PDE1A: variants seen among roughly 807,000 people sequenced by gnomAD.
PDE1A encodes the protein dual specificity calcium/calmodulin-dependent 3',5'-cyclic nucleotide phosphodiesterase 1A.
PDE1A carries 35 observed loss-of-function variants against 61.7 expected under a neutral mutation model. The observed-to-expected ratio is 0.57, with a 90% CI of 0.43 to 0.75. The LOEUF (loss-of-function observed/expected upper bound fraction) is 0.75. Among genes scored for constraint, PDE1A ranks in the 30% least tolerant of loss-of-function variants. The pLI, the probability that PDE1A is intolerant of heterozygous loss-of-function variation, is 0.00. For missense variants in PDE1A, 597 were observed against 630.6 expected, an observed-to-expected ratio of 0.95 and a Z score of 0.57; for synonymous variants, 232 against 213.2, an observed-to-expected ratio of 1.09 and a Z score of -0.77.
the PDE1A span, among the ~76,000 whole-genome samples, chr2:182,712,825 G>A: frequency 1.3e-5 from 2 of 151,950 alleles, no homozygotes; most frequent in Non-Finnish European, 2.9e-5. Flanking sequence ...CAAAGTGCTG[G>A]GATTACAGGT....
chr2:182,175,557 T>G (rs1427606966), intron 13 of PDE1A, among the ~76,000 whole-genome samples: 1 of 127,072 alleles, frequency 7.9e-6, no homozygotes, highest in African/African-American at 3.0e-5. Flanking sequence ...TAAATTTGTT[T>G]GAGTTCATTG....
chr2:182,143,210 ACTG>A (rs1690311661), downstream of PDE1A, among the ~76,000 whole-genome samples: 1 of 152,190 alleles, frequency 6.6e-6, no homozygotes, highest in East Asian at 1.9e-4. Flanking sequence ...ATTCTTGAAA[ACTG>A]CTGCTAAGAG....
At chr2:182,254,362 C>T (rs1271500126) in intron 2 of PDE1A, among the ~76,000 whole-genome samples, 1 of 152,180 alleles carries the variant, frequency 6.6e-6, no homozygotes, top group Admixed American at 6.5e-5. Context: ...AAATGGAATT[C>T]AGAAAAATCA....
chr2:182,576,598 G>T, the PDE1A span, among the ~76,000 whole-genome samples: 1 of 152,088 alleles, frequency 6.6e-6, no homozygotes, highest in Non-Finnish European at 1.5e-5. Context: ...GAAATTGCTG[G>T]ATTATATGGT....
the PDE1A span, among the ~76,000 whole-genome samples, chr2:182,672,094 A>G: frequency 1.3e-5 from 2 of 152,178 alleles, no homozygotes; most frequent in Admixed American, 6.5e-5. Flanking sequence ...TTATTTTTAA[A>G]TGGTATGATT....
the PDE1A span, among the ~76,000 whole-genome samples, chr2:182,704,219 A>C: frequency 0.16 from 24,582 of 149,248 alleles, 4,642 homozygotes; most frequent in African/African-American, 0.46. Flanking sequence ...TGGAAAAAAA[A>C]AAAAAACAAA....
chr2:182,708,938 G>A, the PDE1A span, among the ~76,000 whole-genome samples: 1 of 152,106 alleles, frequency 6.6e-6, no homozygotes, highest in Non-Finnish European at 1.5e-5. Flanking sequence ...TTATAAAGCA[G>A]ATGTAAGTTT....
the PDE1A span, among the ~76,000 whole-genome samples, chr2:182,557,775 C>T: frequency 3.3e-5 from 5 of 151,754 alleles, no homozygotes; most frequent in Admixed American, 3.3e-4. Context: ...TGTCTCCATG[C>T]ACAGAAGAAT....
intron 1 of PDE1A, among the ~76,000 whole-genome samples, chr2:182,274,597 A>G (rs1693269183): frequency 1.3e-5 from 2 of 152,126 alleles, no homozygotes; most frequent in South Asian, 4.1e-4. Context: ...ATCGAGTCCA[A>G]AAGAATTGAT....
At chr2:182,245,274 A>G (rs747153878) in intron 2 of PDE1A, among the ~76,000 whole-genome samples, 2 of 152,174 alleles carry the variant, frequency 1.3e-5, no homozygotes, top group African/African-American at 4.8e-5. Context: ...CCACCTTCAC[A>G]GTTCCCATAT....
chr2:182,673,004 C>T, the PDE1A span, among the ~76,000 whole-genome samples: 3 of 152,170 alleles, frequency 2.0e-5, no homozygotes, highest in African/African-American at 7.2e-5. Flanking sequence ...CTGCTACTCA[C>T]GTCACTCCAG....
intron 13 of PDE1A, among the ~76,000 whole-genome samples, chr2:182,173,222 G>T (rs1021184216): frequency 1.3e-5 from 2 of 151,988 alleles, no homozygotes; most frequent in Non-Finnish European, 2.9e-5. Context: ...ACTGGAGAAA[G>T]GGCATGTTGA....
chr2:182,551,078 T>A, the PDE1A span, among the ~76,000 whole-genome samples: 1 of 151,900 alleles, frequency 6.6e-6, no homozygotes, highest in South Asian at 2.1e-4. Flanking sequence ...CCCTGACCTT[T>A]AGGAACTTAC....
intron 8 of PDE1A, among the ~76,000 whole-genome samples, chr2:182,203,930 G>C (rs1366204682): frequency 2.0e-5 from 3 of 151,848 alleles, no homozygotes; most frequent in African/African-American, 7.2e-5. Context: ...TATATAATAT[G>C]TACACTATTT....
intron 1 of PDE1A, among the ~76,000 whole-genome samples, chr2:182,374,604 GATC>G (rs758035323): frequency 1.6e-4 from 24 of 152,028 alleles, no homozygotes; most frequent in Admixed American, 6.6e-5. Flanking sequence ...CTTACATACA[GATC>G]ATATTAAAAT....
In PDE1A at chr2:182,421,495, C is replaced by T. The variant is rs1703276490; in HGVS notation, c.53+5083G>A. Among the ~76,000 whole-genome samples, 5 of 152,300 alleles carry T rather than the reference C, an allele frequency of 3.3e-5. No individual in the cohort carries two copies. The South Asian group carries it at 1.0e-3, about 32-fold the overall frequency. ...ACCAAGTTTTCTATGAATTTTCCCT[C>T]TTGGTGTTAATATCAACACTTGCTA... is the stretch of plus-strand genomic sequence containing the variant. On this transcript the variant is annotated intron_variant, in intron 1 of 13. Coordinates refer to ENST00000351439, the Ensembl canonical transcript of PDE1A.
chr2:182,577,838 T>C, the PDE1A span, among the ~76,000 whole-genome samples: 1 of 152,076 alleles, frequency 6.6e-6, no homozygotes, highest in Non-Finnish European at 1.5e-5. Context: ...GAGAATCGCT[T>C]GAACCTGGGA....
chr2:182,629,538 T>G, the PDE1A span, among the ~76,000 whole-genome samples: 2 of 152,236 alleles, frequency 1.3e-5, no homozygotes, highest in Non-Finnish European at 2.9e-5. Context: ...TTACACAGTT[T>G]ATCAGCATCC....
At chr2:182,203,892 AGT>A (rs2125488552) in intron 8 of PDE1A, among the ~76,000 whole-genome samples, 2 of 152,110 alleles carry the variant, frequency 1.3e-5, no homozygotes, top group South Asian at 4.2e-4. Context: ...ATTTTTGGAA[AGT>A]GTTGAATCTA....
Sources: allele counts gnomAD v4.1 joint callset (sites outside exome capture counted in the v4.1 genomes callset), GRCh38; gene constraint gnomAD v4.1.1; transcripts MANE v1.5; gene names NCBI Gene and HGNC (gene_info 2026-07-23, HGNC 2026-07-21).